The following GRAMD2B variants were observed in gnomAD, a reference collection of about 807,000 sequenced individuals.
The protein encoded by GRAMD2B is GRAM domain-containing protein 2B.
GRAMD2B carries 41 observed loss-of-function variants against 59.2 expected under a neutral mutation model. That is an observed-to-expected ratio of 0.69 (90% CI 0.54 to 0.90). GRAMD2B has a LOEUF of 0.90. Among genes scored for constraint, GRAMD2B ranks in the 40% least tolerant of loss-of-function variants. The pLI, the probability that GRAMD2B is intolerant of heterozygous loss-of-function variation, is 0.00. For missense variants in GRAMD2B, 424 were observed against 500.5 expected (o/e 0.85, Z 1.46); for synonymous variants, 161 against 182.7 (o/e 0.88, Z 0.96).
chr5:126,401,906 T>TC (rs1170147301), intron 1 of GRAMD2B, among the ~76,000 whole-genome samples: 23 of 152,084 alleles, frequency 1.5e-4, no homozygotes. Flanking sequence ...GGTAACCCTG[T>TC]CATCCCAGGT....
chr5:126,486,487 G>C (rs1372078617), intron 11 of GRAMD2B, among the ~76,000 whole-genome samples: 1 of 152,150 alleles, frequency 6.6e-6, no homozygotes, highest in Non-Finnish European at 1.5e-5. Context: ...AGGAAAATAT[G>C]CCCAGTCTGG....
At chr5:126,388,920 A>C (rs1373788747) in intron 1 of GRAMD2B, among the ~76,000 whole-genome samples, 1 of 152,154 alleles carries the variant, frequency 6.6e-6, no homozygotes, top group Non-Finnish European at 1.5e-5. Context: ...ATTTACTATT[A>C]GGCTGATGGG....
chr5:126,399,746 C>T (rs1047083091), intron 1 of GRAMD2B, among the ~76,000 whole-genome samples: 6 of 152,114 alleles, frequency 3.9e-5, no homozygotes, highest in Admixed American at 6.6e-5. Flanking sequence ...ATCTTTCACT[C>T]GAGACAGTTT....
chr5:126,421,245 G>A (rs1180802724), upstream of GRAMD2B, among the ~76,000 whole-genome samples: 3 of 152,212 alleles, frequency 2.0e-5, no homozygotes, highest in Non-Finnish European at 2.9e-5. Flanking sequence ...AAATAGTAAT[G>A]TTATGTATAT....
chr5:126,470,275 G>C (rs1769293338), intron 3 of GRAMD2B, among the ~76,000 whole-genome samples: 1 of 152,178 alleles, frequency 6.6e-6, no homozygotes, highest in Non-Finnish European at 1.5e-5. Context: ...ACAAAGCCTA[G>C]TTCTATGTCA....
chr5:126,467,597 A>G (rs1423120311), intron 2 of GRAMD2B: 1 of 152,210 alleles, frequency 6.6e-6, no homozygotes, highest in Non-Finnish European at 1.5e-5. Context: ...ATTAACATTT[A>G]TTAATGGGAA....
chr5:126,439,627 T>C (rs1013724469), intron 1 of GRAMD2B, among the ~76,000 whole-genome samples: 2 of 152,176 alleles, frequency 1.3e-5, no homozygotes, highest in African/African-American at 4.8e-5. Flanking sequence ...CCAAAATTGA[T>C]TGTATTTTTA....
At chr5:126,384,634 G>A (rs1472487871) in intron 1 of GRAMD2B, among the ~76,000 whole-genome samples, 2 of 152,194 alleles carry the variant, frequency 1.3e-5, no homozygotes, top group Non-Finnish European at 2.9e-5. Flanking sequence ...TTGTCCTTTG[G>A]CCTCTTAAGG....
intron 1 of GRAMD2B, among the ~76,000 whole-genome samples, chr5:126,386,001 A>G (rs1753906656): frequency 6.6e-6 from 1 of 152,178 alleles, no homozygotes; most frequent in South Asian, 2.1e-4. Context: ...GGGTTGGAGG[A>G]AATGAGGTAA....
intron 1 of GRAMD2B, among the ~76,000 whole-genome samples, chr5:126,373,417 T>C (rs1272697905): frequency 6.6e-6 from 1 of 152,226 alleles, no homozygotes; most frequent in Non-Finnish European, 1.5e-5. Flanking sequence ...GCTAATAAAA[T>C]GTACTTGCAG....
In GRAMD2B at chr5:126,493,090, G is replaced by C; in HGVS notation, c.*134G>C. The stretch of plus-strand genomic sequence containing the variant: ...TGAGAATCCAGACATTGCATGTGGA[G>C]GTCTCCAGCTCAGGAAAGTGAGGAG... On this transcript the variant is annotated 3_prime_UTR_variant, in exon 14 of 14. Transcript: ENST00000285689. 2 of 658,502 alleles carry C rather than the reference G, an allele frequency of 3.0e-6. No individual in the cohort carries two copies. The highest frequency in any genetic ancestry group is 5.3e-5 in the East Asian group (2 of 37,862). The allele number at this position is 658,502 out of a possible 1,614,324, so 40.8% of individuals were successfully genotyped here.
chr5:126,443,528 T>C (rs1193975758), intron 1 of GRAMD2B, among the ~76,000 whole-genome samples: 1 of 152,214 alleles, frequency 6.6e-6, no homozygotes, highest in Non-Finnish European at 1.5e-5. Context: ...TTCAGAGTCC[T>C]CCCACATCCT....
intron 1 of GRAMD2B, among the ~76,000 whole-genome samples, chr5:126,376,947 T>TAA: frequency 6.6e-6 from 1 of 151,756 alleles, no homozygotes; most frequent in African/African-American, 2.4e-5. Flanking sequence ...CTATGGAAGT[T>TAA]AAAATGAGGA....
intron 1 of GRAMD2B, among the ~76,000 whole-genome samples, chr5:126,442,313 T>C (rs1763431850): frequency 6.7e-6 from 1 of 149,678 alleles, no homozygotes; most frequent in Admixed American, 6.7e-5. Flanking sequence ...TTTTGTGAGA[T>C]GGAGTCTCAC....
At chr5:126,435,180 A>G (rs1762206527) in intron 1 of GRAMD2B, among the ~76,000 whole-genome samples, 1 of 152,090 alleles carries the variant, frequency 6.6e-6, no homozygotes, top group African/African-American at 2.4e-5. Flanking sequence ...GTCTGGGGAG[A>G]GGGGAATGGG....
intron 4 of GRAMD2B, among the ~76,000 whole-genome samples, chr5:126,472,758 A>G (rs1450996697): frequency 1.3e-5 from 2 of 152,002 alleles, no homozygotes; most frequent in Non-Finnish European, 2.9e-5. Flanking sequence ...CGCCTACTAG[A>G]CTCTGCAGTG....
chr5:126,397,823 G>T (rs780260892), intron 1 of GRAMD2B, among the ~76,000 whole-genome samples: 1 of 152,024 alleles, frequency 6.6e-6, no homozygotes, highest in African/African-American at 2.4e-5. Flanking sequence ...TTGGCCTGTA[G>T]GATTATTTTC....
rs573192134 is a variant in GRAMD2B, at chr5:126,459,695, G to T, written c.84-5731G>T. ...TTTTTTAACCTTTTACATTTGCAAA[G>T]ATCAAAAAGTTTAGCGCTAGTCACG... is the stretch of plus-strand genomic sequence containing the variant. On this transcript the variant is annotated intron_variant, in intron 1 of 13. Transcript: ENST00000285689. Among the ~76,000 whole-genome samples, 5 of 152,288 alleles carry T rather than the reference G, an allele frequency of 3.3e-5. No homozygotes were observed. In the East Asian group the frequency reaches 9.6e-4, roughly 29 times the overall value.
intron 2 of GRAMD2B, chr5:126,466,324 T>G: frequency 7.1e-7 from 1 of 1,418,262 alleles, no homozygotes; most frequent in Non-Finnish European, 9.8e-7. Context: ...CTATGCTTCA[T>G]TCAGGACCAA....
Sources: allele counts gnomAD v4.1 joint callset (sites outside exome capture counted in the v4.1 genomes callset), GRCh38; gene constraint gnomAD v4.1.1; transcripts MANE v1.5; gene names NCBI Gene and HGNC (gene_info 2026-07-23, HGNC 2026-07-21).